Variants in MYO3A observed in about 807,000 individuals in gnomAD.
MYO3A encodes myosin IIIA, also known as myosin-IIIa.
In MYO3A, 180 loss-of-function variants were observed where a neutral mutation model predicts 192.7. The observed-to-expected ratio is 0.93, with a 90% CI of 0.83 to 1.06. MYO3A has a LOEUF of 1.06. Ranked by LOEUF, MYO3A falls within the 50% of genes least tolerant of loss-of-function variation. MYO3A has a pLI of 0.00. For missense variants in MYO3A, 1,896 were observed against 1,905.0 expected (o/e 1.00, Z 0.09); for synonymous variants, 628 against 645.3 (o/e 0.97, Z 0.41).
intron 32 of MYO3A, among the ~76,000 whole-genome samples, chr10:26,198,928 T>C (rs1416739549): frequency 6.6e-6 from 1 of 152,226 alleles, no homozygotes; most frequent in African/African-American, 2.4e-5. Context: ...AAAACTATAA[T>C]TGAAAACATT....
intron 10 of MYO3A, among the ~76,000 whole-genome samples, chr10:26,027,934 T>G: frequency 6.6e-6 from 1 of 152,326 alleles, no homozygotes; most frequent in Middle Eastern, 3.4e-3. Flanking sequence ...GATAGTACTA[T>G]TAAGTCAAAA....
chr10:25,952,968 C>T (rs1276511625), intron 3 of MYO3A, among the ~76,000 whole-genome samples: 2 of 150,626 alleles, frequency 1.3e-5, no homozygotes, highest in Non-Finnish European at 3.0e-5. Context: ...GAGATTCTAT[C>T]TTCTGGTAAT....
At chr10:26,049,673 CTT>C (rs66467075) in intron 10 of MYO3A, among the ~76,000 whole-genome samples, 155 of 69,054 alleles carry the variant, frequency 2.2e-3, no homozygotes, top group African/African-American at 3.2e-3. Context: ...TTCTTTCTTT[CTT>C]TTTTTTTTTT....
At chr10:26,200,235 A>G (rs1046318922) in intron 32 of MYO3A, among the ~76,000 whole-genome samples, 1 of 152,194 alleles carries the variant, frequency 6.6e-6, no homozygotes, top group African/African-American at 2.4e-5. Context: ...TCACTCATCT[A>G]CTATTTTAGA....
At chr10:26,000,409 G>T (rs1840718162) in intron 6 of MYO3A, among the ~76,000 whole-genome samples, 1 of 152,130 alleles carries the variant, frequency 6.6e-6, no homozygotes, top group African/African-American at 2.4e-5. Context: ...TTGGCAGTGG[G>T]AAAATAATGA....
chr10:26,068,216 C>G (rs1329407975), intron 11 of MYO3A, among the ~76,000 whole-genome samples: 1 of 152,044 alleles, frequency 6.6e-6, no homozygotes, highest in Non-Finnish European at 1.5e-5. Context: ...TTGCTCCTCT[C>G]TTGTGTCATG....
At chr10:26,121,730 G>A (rs924905618) in intron 18 of MYO3A, among the ~76,000 whole-genome samples, 7 of 152,182 alleles carry the variant, frequency 4.6e-5, no homozygotes, top group Admixed American at 6.5e-5. Flanking sequence ...CAGCCTGGAC[G>A]ACGGAGCAAG....
chr10:26,010,128 G>T (rs1841529331), intron 6 of MYO3A, among the ~76,000 whole-genome samples: 1 of 152,170 alleles, frequency 6.6e-6, no homozygotes, highest in African/African-American at 2.4e-5. Context: ...GATCTTTAAA[G>T]AAAGCCATAT....
intron 17 of MYO3A, among the ~76,000 whole-genome samples, chr10:26,104,895 AC>A (rs1554825457): frequency 6.7e-6 from 1 of 150,162 alleles, no homozygotes; most frequent in African/African-American, 2.5e-5. Flanking sequence ...ACACACACAC[AC>A]CCATGCAGAT....
At chr10:25,934,850 G>A (rs1166367386) in intron 1 of MYO3A, among the ~76,000 whole-genome samples, 2 of 152,062 alleles carry the variant, frequency 1.3e-5, no homozygotes, top group Non-Finnish European at 2.9e-5. Context: ...CAGGAGGAGG[G>A]AACGGGAAGG....
intron 22 of MYO3A, 63 bp downstream of exon 22, chr10:26,145,597 A>G: frequency 7.8e-7 from 1 of 1,284,338 alleles, no homozygotes; most frequent in Non-Finnish European, 1.1e-6. Context: ...AATAGGATAG[A>G]CATGAAAATT....
chr10:25,978,187 A>C (rs1839077152), intron 4 of MYO3A, among the ~76,000 whole-genome samples: 1 of 152,086 alleles, frequency 6.6e-6, no homozygotes, highest in Non-Finnish European at 1.5e-5. Flanking sequence ...GTTTGTTTTT[A>C]TTGAAGTGTC....
chr10:26,211,868 AAGG>A lies in MYO3A; in HGVS notation c.4765_4767del (p.Glu1589del), dbSNP rs1564650453. On this transcript the variant is annotated inframe_deletion, in exon 35 of 35. Transcript: ENST00000642920. ...GTGCTGGGCGGCGGAGAGCCCCGAG[AAGG>A]AGGAGGAGAGAGAGCCAGCAGCCAA... The A allele has an allele frequency of 8.1e-6, 13 of 1,613,948 alleles. No individual in the cohort carries two copies. Among genetic ancestry groups the A allele is most frequent in the South Asian group, 6.6e-5 (6 of 91,024 alleles).
Position 26,168,460 on chromosome 10 carries a change from C to T in MYO3A, c.3112-252C>T, listed in dbSNP as rs117361308. 9.2e-5 allele frequency among the ~76,000 whole-genome samples: 14 copies of T among 152,308 alleles called. No individual in the cohort carries two copies. In the East Asian group the frequency reaches 2.7e-3, roughly 29 times the overall value. On this transcript the variant is annotated intron_variant, in intron 27 of 34. Coordinates refer to ENST00000642920, the MANE Select transcript of MYO3A (RefSeq NM_017433.5). ...TCAACATCCTCCACTCTTATTGTCT[C>T]ATCCAACAAAACCTAGTTACCTGTT...
In MYO3A at chr10:26,212,274, T is replaced by C. The variant is rs1268315022; in HGVS notation, c.*311T>C. On this transcript the variant is annotated 3_prime_UTR_variant, in exon 35 of 35. Transcript: ENST00000642920. The stretch of plus-strand genomic sequence containing the variant: ...CCTAATCTATCACTTTGTTCTTTTT[T>C]TTTGTGACTCCTGTGGACTCCACTG... 1 of 442,988 alleles carries C rather than the reference T, an allele frequency of 2.3e-6. No individual in the cohort carries two copies. The highest frequency in any genetic ancestry group is 2.0e-5 in the African/African-American group (1 of 50,544). The allele number at this position is 442,988 out of a possible 1,614,324, so 27.4% of individuals were successfully genotyped here.
chr10:25,935,155 G>A (rs910893973), intron 1 of MYO3A, among the ~76,000 whole-genome samples: 12 of 152,138 alleles, frequency 7.9e-5, no homozygotes, highest in Non-Finnish European at 1.3e-4. Flanking sequence ...AAATGCATCC[G>A]TAAAGGAGTT....
chr10:26,035,120 A>G (rs1246134948), intron 10 of MYO3A, among the ~76,000 whole-genome samples: 2 of 152,166 alleles, frequency 1.3e-5, no homozygotes, highest in Non-Finnish European at 2.9e-5. Context: ...TCAGGAAGAA[A>G]CAGATAAAGC....
Position 26,024,044 on chromosome 10 carries a change from C to T in MYO3A, c.754C>T (p.Gln252Ter). ...TAGGAATCCACCCCCAAAACTAAGG[C>T]AGCCTGAGCTATGGTCAGCAGAATT... ...IPRNPPPKLR[Q>*]PELWSAEFND... is the part of the protein sequence containing the mutation. The change falls in exon 9 of 35, where the codon CAG becomes TAG. Residue 252 changes from glutamine (Q) to a stop codon, truncating the protein, a stop_gained. Transcript: ENST00000642920. LOFTEE classifies it high-confidence loss of function. 3 of 1,613,174 alleles carry T rather than the reference C, an allele frequency of 1.9e-6. No individual in the cohort carries two copies. The highest frequency in any genetic ancestry group is 2.5e-6 in the Non-Finnish European group (3 of 1,179,244).
intron 29 of MYO3A, among the ~76,000 whole-genome samples, chr10:26,171,017 C>T (rs1307542253): frequency 1.3e-5 from 2 of 152,142 alleles, no homozygotes; most frequent in African/African-American, 4.8e-5. Flanking sequence ...GCAGTGGGGA[C>T]ACAGATACGT....
Sources: gnomAD v4.1 joint callset for allele counts (sites outside exome capture counted in the v4.1 genomes callset) on GRCh38, gnomAD v4.1.1 for gene constraint, MANE v1.5 for transcripts, NCBI Gene and HGNC (gene_info 2026-07-23, HGNC 2026-07-21) for gene names.